Variants in PATJ observed in about 807,000 individuals in gnomAD.
PATJ encodes PATJ crumbs cell polarity complex component, also known as inaD-like protein.
Under a neutral mutation model 224.9 loss-of-function variants are expected in PATJ, and 190 were observed. The observed-to-expected ratio is 0.84, with a 90% CI of 0.75 to 0.95. The LOEUF (loss-of-function observed/expected upper bound fraction) is 0.95. PATJ is among the 40% of genes least tolerant of loss of function. The pLI is 0.00. For missense variants in PATJ, 2,121 were observed against 2,270.3 expected, an observed-to-expected ratio of 0.93 and a Z score of 1.34; for synonymous variants, 769 against 820.3, an observed-to-expected ratio of 0.94 and a Z score of 1.07.
chr1:61,983,716 G>T (rs1194492615), intron 27 of PATJ, among the ~76,000 whole-genome samples: 1 of 152,068 alleles, frequency 6.6e-6, no homozygotes, highest in Non-Finnish European at 1.5e-5. Flanking sequence ...GGGTACAGAA[G>T]ACTGCAGAGA....
At chr1:61,957,950 G>C (rs1680670830) in intron 27 of PATJ, among the ~76,000 whole-genome samples, 1 of 152,062 alleles carries the variant, frequency 6.6e-6, no homozygotes, top group South Asian at 2.1e-4. Flanking sequence ...TACAAACCAA[G>C]GATAATGCTA....
At chr1:62,128,297 G>T (rs1024818267) in intron 40 of PATJ, 1 of 522,500 alleles carries the variant, frequency 1.9e-6, no homozygotes, top group African/African-American at 1.9e-5. Flanking sequence ...TTGTATCAAA[G>T]CTTCTCCATA....
Position 61,771,454 on chromosome 1 carries a change from A to G in PATJ, c.548A>G (p.Asp183Gly), listed in dbSNP as rs373505441. Residue 183 changes from aspartate to glycine, a missense_variant, in exon 6 of 44, where the codon GAT (aspartate) becomes GGT (glycine). By Grantham distance (94) the Asp-to-Gly change is moderately conservative (BLOSUM62 -1). Transcript: ENST00000642238. ...AGGGATCAAAGATTAAAGGAAAATG[A>G]TCAAATATTGGCCATTAATCACACG... is the stretch of plus-strand genomic sequence containing the variant. ...ADRDQRLKEN[D>G]QILAINHTPL... 1.3e-6 allele frequency: 2 copies of G among 1,595,392 alleles called. No individual in the cohort carries two copies. Among genetic ancestry groups the G allele is most frequent in the Middle Eastern group, 1.7e-4 (1 of 6,014 alleles).
intron 1 of PATJ, among the ~76,000 whole-genome samples, chr1:61,750,356 A>G (rs1002528744): frequency 4.0e-5 from 6 of 151,348 alleles, no homozygotes; most frequent in Non-Finnish European, 7.4e-5. Context: ...CATTAATAAT[A>G]ATTAGTGGAT....
At chr1:61,780,675 A>C (rs1390366527) in intron 7 of PATJ, among the ~76,000 whole-genome samples, 2 of 151,768 alleles carry the variant, frequency 1.3e-5, no homozygotes, top group African/African-American at 4.8e-5. Flanking sequence ...TTTTTCCAAA[A>C]TGCAAAGTGG....
intron 26 of PATJ, among the ~76,000 whole-genome samples, chr1:61,922,465 C>T (rs1001128886): frequency 1.3e-5 from 2 of 152,200 alleles, no homozygotes; most frequent in African/African-American, 4.8e-5. Context: ...CATTATTACT[C>T]TACCTCTATC....
At position 61,808,525 on chromosome 1, in the gene PATJ, T is replaced by C. The variant is rs760682515; in HGVS notation, c.1678T>C (p.Ser560Pro). Residue 560 changes from serine to proline, a missense_variant, in exon 14 of 44, where the codon TCA (serine) becomes CCA (proline). Physicochemically the swap from Ser to Pro is moderately conservative, Grantham distance 74. Transcript: ENST00000642238. ...AGATGATGCTGAGTTACAGAAATAT[T>C]CAAAGGTAAGCATTTTTTATAACAA... The part of the protein sequence containing the change: ...IADDAELQKY[S>P]KLLPIHTLRL... 1.9e-6 allele frequency: 3 copies of C among 1,598,668 alleles called. No homozygotes were observed. Among genetic ancestry groups the C allele is most frequent in the Non-Finnish European group, 1.7e-6 (2 of 1,166,992 alleles).
At chr1:61,855,394 G>A (rs1463223711) in intron 17 of PATJ, among the ~76,000 whole-genome samples, 3 of 152,244 alleles carry the variant, frequency 2.0e-5, no homozygotes, top group Admixed American at 2.0e-4. Context: ...TGATATTTGC[G>A]TGATGTTTTA....
At chr1:62,008,760 A>C (rs903526944) in intron 28 of PATJ, among the ~76,000 whole-genome samples, 2 of 152,192 alleles carry the variant, frequency 1.3e-5, no homozygotes, top group Non-Finnish European at 2.9e-5. Flanking sequence ...AAAATAAATA[A>C]ATAAATAAAT....
In PATJ at chr1:61,901,434, T is replaced by C. The variant is rs746270733; in HGVS notation, c.3356T>C (p.Leu1119Pro). The change falls in exon 24 of 44, where the codon CTT (leucine) becomes CCT (proline). Residue 1119 changes from leucine (L) to proline (P), a missense_variant. By Grantham distance (98) the Leu-to-Pro change is moderately conservative (BLOSUM62 -3). Coordinates refer to ENST00000642238, the MANE Select transcript of PATJ (RefSeq NM_001350145.3). The stretch of plus-strand genomic sequence containing the variant: ...AGTCCAGCAGGGAAGACGAACGCAC[T>C]TAAAACTGGAGATAAAATACTTGAG... ...EDSPAGKTNA[L>P]KTGDKILEVS... The C allele has an allele frequency of 6.9e-6, 11 of 1,585,380 alleles. No individual in the cohort carries two copies. The South Asian group carries it at 1.3e-4, about 19-fold the overall frequency.
At chr1:61,950,793 G>A (rs946635636) in intron 27 of PATJ, among the ~76,000 whole-genome samples, 6 of 152,180 alleles carry the variant, frequency 3.9e-5, no homozygotes, top group Admixed American at 6.5e-5. Context: ...TCATTTTTTA[G>A]TTTTATGTAA....
Position 61,775,224 on chromosome 1 carries a change from G to A in PATJ, c.739G>A (p.Glu247Lys), listed in dbSNP as rs1300110253. 6.2e-7 allele frequency: 1 copy of A among 1,610,738 alleles called. No homozygotes were observed. ...LPETVCWGHV[E>K]EVELINDGSG... ...TTTGTAGGTTTGTTGGGGCCATGTTGAAGAGGTTGAGCTCATTAATGATGG... is the reference window on the plus strand; with the variant it reads ...TTTGTAGGTTTGTTGGGGCCATGTTAAAGAGGTTGAGCTCATTAATGATGG... The change falls in exon 7 of 44, where the codon GAA becomes AAA. Residue 247 changes from glutamate (E) to lysine (K), a missense_variant. Coordinates refer to ENST00000642238, the MANE Select transcript of PATJ (RefSeq NM_001350145.3).
rs1667882201 is a variant in PATJ at position 61,880,043 on chromosome 1, G to A, written c.2960-4194G>A. Among the ~76,000 whole-genome samples, 10 of 151,996 alleles carry A rather than the reference G, an allele frequency of 6.6e-5. No homozygotes were observed. The South Asian group carries it at 1.9e-3, about 28-fold the overall frequency. On this transcript the variant is annotated intron_variant, in intron 21 of 43. Coordinates refer to ENST00000642238, the MANE Select transcript of PATJ (RefSeq NM_001350145.3). ...AGTAGAGATGGGGTTTCATCATGCT[G>A]GCCAGGCTGGTCTCAAGTGATCCAC...
At chr1:62,003,241 C>T (rs1372000321) in intron 28 of PATJ, among the ~76,000 whole-genome samples, 1 of 152,214 alleles carries the variant, frequency 6.6e-6, no homozygotes, top group Non-Finnish European at 1.5e-5. Flanking sequence ...GCAACTTTCA[C>T]AGGAGTATTC....
intron 29 of PATJ, among the ~76,000 whole-genome samples, chr1:62,034,960 A>G (rs952392733): frequency 2.6e-5 from 4 of 152,166 alleles, no homozygotes; most frequent in African/African-American, 9.7e-5. Context: ...AAAGTCACCT[A>G]TTTAATTACT....
chr1:61,977,131 G>A (rs1336860185), intron 27 of PATJ, among the ~76,000 whole-genome samples: 1 of 151,864 alleles, frequency 6.6e-6, no homozygotes, highest in Non-Finnish European at 1.5e-5. Flanking sequence ...TCTGTTGCTC[G>A]GGCTGGAGTG....
At chr1:62,136,983 T>G (rs1666974271) in intron 41 of PATJ, among the ~76,000 whole-genome samples, 1 of 152,166 alleles carries the variant, frequency 6.6e-6, no homozygotes, top group Admixed American at 6.6e-5. Context: ...GCTCAAGCTT[T>G]TATGCATTGT....
rs1432660895 is a variant in PATJ, at chr1:62,129,009, G to A, written c.5271+64G>A. 1.1e-5 allele frequency: 11 copies of A among 1,043,822 alleles called. No individual in the cohort carries two copies. The East Asian group carries it at 1.9e-4, about 18-fold the overall frequency. The allele number at this position is 1,043,822 out of a possible 1,614,324, so 64.7% of individuals were successfully genotyped here. ...ATAAGTGGCATGCAAAAAAGATTGA[G>A]CGTCACTGGCAGTAGACATCGCCAC... On this transcript the variant is annotated intron_variant, in intron 41 of 43. Transcript: ENST00000642238.
chr1:62,075,498 G>A (rs1658137248), intron 31 of PATJ, among the ~76,000 whole-genome samples: 1 of 152,228 alleles, frequency 6.6e-6, no homozygotes, highest in African/African-American at 2.4e-5. Flanking sequence ...GGGCGGTCAA[G>A]TGACTTGTCT....
Sources: gnomAD v4.1 joint callset for allele counts (sites outside exome capture counted in the v4.1 genomes callset) on GRCh38, gnomAD v4.1.1 for gene constraint, MANE v1.5 for transcripts, NCBI Gene and HGNC (gene_info 2026-07-23, HGNC 2026-07-21) for gene names.